The following PALLD variants were observed in gnomAD, a reference collection of about 807,000 sequenced individuals.
PALLD encodes palladin.
A neutral mutation model predicts 123.5 loss-of-function variants in PALLD; 61 were observed. The observed-to-expected ratio is 0.49, with a 90% CI of 0.40 to 0.61. The LOEUF (loss-of-function observed/expected upper bound fraction) is 0.61. PALLD is among the 20% of genes least tolerant of loss of function. The pLI is 0.00. For synonymous variants in PALLD, 465 were observed against 496.4 expected (o/e 0.94, Z 0.84); for missense variants, 1,273 against 1,377.0 (o/e 0.92, Z 1.20).
chr4:168,924,427 C>T lies in PALLD; in HGVS notation c.3224+7C>T. 6.2e-7 allele frequency: 1 copy of T among 1,612,110 alleles called. No individual in the cohort carries two copies. The highest frequency in any genetic ancestry group is 1.7e-5 in the Admixed American group (1 of 60,008). ...ACAGCACTGACCGAGTGAGGTAAGA[C>T]TGCACAATGAGAACCTGATCCTTAA... On this transcript the variant is annotated splice_region_variant and intron_variant, in intron 19 of 21. Transcript: ENST00000505667.
intron 10 of PALLD, among the ~76,000 whole-genome samples, chr4:168,841,563 G>A (rs772110032): frequency 6.6e-6 from 1 of 152,166 alleles, no homozygotes; most frequent in South Asian, 2.1e-4. Flanking sequence ...TGCAGCAGTG[G>A]GGTTGAGTAG....
At chr4:168,896,671 C>T (rs554103242) in intron 13 of PALLD, 72 bp downstream of exon 13, 33 of 833,364 alleles carry the variant, frequency 4.0e-5, no homozygotes, top group Middle Eastern at 2.2e-4. Flanking sequence ...TCCTGTTTTA[C>T]GTGTGTTTCT....
At chr4:168,568,907 AG>A (rs1768684621) in intron 2 of PALLD, among the ~76,000 whole-genome samples, 1 of 151,972 alleles carries the variant, frequency 6.6e-6, no homozygotes, top group African/African-American at 2.4e-5. Context: ...CTATATTTTA[AG>A]GATAGTGTCC....
At chr4:168,512,482 G>T (rs953356039) in intron 2 of PALLD, 70 bp downstream of exon 2, 37 of 1,381,118 alleles carry the variant, frequency 2.7e-5, no homozygotes, top group Non-Finnish European at 3.6e-5. Context: ...ATGGGAGGAA[G>T]AAAGATTTCC....
intron 10 of PALLD, among the ~76,000 whole-genome samples, chr4:168,714,679 G>C (rs1785166980): frequency 6.6e-6 from 1 of 152,120 alleles, no homozygotes; most frequent in Admixed American, 6.5e-5. Context: ...CAAAAGGAAA[G>C]GCTTATATTT....
At chr4:168,540,697 C>A (rs1228476592) in intron 2 of PALLD, among the ~76,000 whole-genome samples, 2 of 151,736 alleles carry the variant, frequency 1.3e-5, no homozygotes, top group Admixed American at 1.3e-4. Flanking sequence ...AAAATGAAAA[C>A]AATTTTTCTC....
At chr4:168,564,038 TTGTC>T (rs1466263477) in intron 2 of PALLD, among the ~76,000 whole-genome samples, 1 of 152,164 alleles carries the variant, frequency 6.6e-6, no homozygotes, top group Non-Finnish European at 1.5e-5. Context: ...CCAGTCTCCA[TTGTC>T]TGTCCACATG....
chr4:168,670,710 G>A (rs1461010402), intron 3 of PALLD, among the ~76,000 whole-genome samples: 2 of 141,824 alleles, frequency 1.4e-5, no homozygotes, highest in African/African-American at 2.7e-5. Context: ...TCCGCAGTCT[G>A]GCCTGGGCGA....
intron 10 of PALLD, among the ~76,000 whole-genome samples, chr4:168,761,514 G>C (rs907286787): frequency 6.6e-6 from 1 of 152,070 alleles, no homozygotes; most frequent in African/African-American, 2.4e-5. Flanking sequence ...AGGCTGGAGT[G>C]CCATGGTGCA....
At chr4:168,751,980 G>A (rs1447389173) in intron 10 of PALLD, among the ~76,000 whole-genome samples, 1 of 152,184 alleles carries the variant, frequency 6.6e-6, no homozygotes, top group Non-Finnish European at 1.5e-5. Context: ...AGGCTGCTTG[G>A]AGTGAGTCAG....
chr4:168,690,618 G>A lies in PALLD; in HGVS notation c.1351G>A (p.Ala451Thr). 2 of 1,614,226 alleles carry A rather than the reference G, an allele frequency of 1.2e-6. No homozygotes were observed. Among genetic ancestry groups the A allele is most frequent in the Non-Finnish European group, 1.7e-6 (2 of 1,180,044 alleles). Residue 451 changes from alanine (A) to threonine (T), a missense_variant, in exon 7 of 22, where the codon GCC (alanine) becomes ACC (threonine). Ala to Thr is a moderately conservative substitution (Grantham distance 58). This residue lies in a region of PALLD where 944 missense variants were observed against 954.5 expected (regional missense o/e 0.99). Transcript: ENST00000505667. ...PVFTKELQNT[A>T]VAEGQVVVLE... Reference sequence around the variant, plus strand: ...TGAATTTCAGGAACTGCAAAACACAGCCGTGGCGGAAGGCCAGGTGGTGGT... The same window carrying A: ...TGAATTTCAGGAACTGCAAAACACAACCGTGGCGGAAGGCCAGGTGGTGGT...
At chr4:168,557,032 T>TTTTTTTTTG (rs111461044) in intron 2 of PALLD, among the ~76,000 whole-genome samples, 1 of 150,530 alleles carries the variant, frequency 6.6e-6, no homozygotes, top group Non-Finnish European at 1.5e-5. Context: ...TTTCCACTTG[T>TTTTTTTTTG]TTTTGTTTTG....
chr4:168,766,761 T>C (rs1733722875), intron 10 of PALLD, among the ~76,000 whole-genome samples: 1 of 152,214 alleles, frequency 6.6e-6, no homozygotes, highest in Non-Finnish European at 1.5e-5. Flanking sequence ...TATGAAGCTG[T>C]TGGATATGAT....
In PALLD at chr4:168,711,768, C is replaced by T; in HGVS notation, c.1809C>T (p.Phe603=). Residue 603 remains phenylalanine, a synonymous_variant, in exon 10 of 22, where the codon TTC becomes TTT. Transcript: ENST00000505667. ...GCAGGGCAGCCCTTCAAATGCAATT[C>T]AATGCTGCTGAGAGGGAAACGAACG... The part of the protein sequence containing the change: ...GLSRAALQMQ[F]NAAERETNGV... 1 of 1,614,118 alleles carries T rather than the reference C, an allele frequency of 6.2e-7. No individual in the cohort carries two copies.
intron 10 of PALLD, among the ~76,000 whole-genome samples, chr4:168,875,843 A>C (rs1751676154): frequency 1.3e-5 from 2 of 152,324 alleles, no homozygotes; most frequent in Admixed American, 1.3e-4. Flanking sequence ...TTCTGTGAAT[A>C]CTGGCTCTCA....
chr4:168,619,716 G>T (rs943541044), intron 2 of PALLD, among the ~76,000 whole-genome samples: 1 of 152,168 alleles, frequency 6.6e-6, no homozygotes, highest in African/African-American at 2.4e-5. Flanking sequence ...GAGCTCCAGG[G>T]TTATCTTACA....
intron 10 of PALLD, among the ~76,000 whole-genome samples, chr4:168,856,863 G>A (rs1581783078): frequency 6.6e-6 from 1 of 152,326 alleles, no homozygotes; most frequent in East Asian, 1.9e-4. Flanking sequence ...GGGTCCTTTG[G>A]AACTGGGAAG....
chr4:168,545,055 T>C (rs1766008987), intron 2 of PALLD, among the ~76,000 whole-genome samples: 1 of 152,224 alleles, frequency 6.6e-6, no homozygotes, highest in Non-Finnish European at 1.5e-5. Context: ...TCTCTCAGCC[T>C]GTGAGAGGAA....
intron 10 of PALLD, among the ~76,000 whole-genome samples, chr4:168,823,414 G>A (rs576638401): frequency 1.3e-5 from 2 of 152,152 alleles, no homozygotes; most frequent in South Asian, 2.1e-4. Flanking sequence ...GGTAGTTCAC[G>A]CCTAGAGTCC....
Sources: gnomAD v4.1 joint callset for allele counts (sites outside exome capture counted in the v4.1 genomes callset) on GRCh38, gnomAD v4.1.1 for gene constraint, gnomAD v4.1.1 regional missense constraint, MANE v1.5 for transcripts, NCBI Gene and HGNC (gene_info 2026-07-23, HGNC 2026-07-21) for gene names.